Variants in TXNDC16 observed in about 807,000 individuals in gnomAD.
TXNDC16 encodes the protein thioredoxin domain-containing protein 16.
A neutral mutation model predicts 85.6 loss-of-function variants in TXNDC16; 74 were observed. That is an observed-to-expected ratio of 0.86 (90% CI 0.72 to 1.05). TXNDC16 has a LOEUF of 1.05. Among genes scored for constraint, TXNDC16 ranks in the 50% least tolerant of loss-of-function variants. The pLI is 0.00. For synonymous variants in TXNDC16, 335 were observed against 326.5 expected (o/e 1.03, Z -0.28); for missense variants, 959 against 947.0 (o/e 1.01, Z -0.17).
At chr14:52,508,755 T>C (rs558828551) in intron 9 of TXNDC16, among the ~76,000 whole-genome samples, 232 of 152,314 alleles carry the variant, frequency 1.5e-3, no homozygotes, top group African/African-American at 5.4e-3. Flanking sequence ...GATGAGTTCA[T>C]GTCCTTTGTA....
At chr14:52,493,772 T>G (rs953676155) in intron 9 of TXNDC16, among the ~76,000 whole-genome samples, 1 of 151,998 alleles carries the variant, frequency 6.6e-6, no homozygotes, top group Non-Finnish European at 1.5e-5. Context: ...CTAAACTTTC[T>G]AATAATTAAA....
chr14:52,444,920 C>T (rs911666183), intron 18 of TXNDC16, among the ~76,000 whole-genome samples: 2 of 152,028 alleles, frequency 1.3e-5, no homozygotes, highest in Non-Finnish European at 2.9e-5. Flanking sequence ...ACAGCTTAAA[C>T]AACCATCAAG....
chr14:52,473,353 T>A (rs1294377705), intron 14 of TXNDC16, among the ~76,000 whole-genome samples: 1 of 152,210 alleles, frequency 6.6e-6, no homozygotes, highest in Non-Finnish European at 1.5e-5. Flanking sequence ...TGCTTGTTTA[T>A]ACAAAGTGCC....
intron 16 of TXNDC16, chr14:52,462,708 A>C (rs2035680455): frequency 3.0e-6 from 1 of 329,642 alleles, no homozygotes. Flanking sequence ...CTGCACACCA[A>C]TAGGCATCCC....
chr14:52,509,987 T>TAA (rs35562977), intron 9 of TXNDC16, among the ~76,000 whole-genome samples: 25 of 106,916 alleles, frequency 2.3e-4, no homozygotes, highest in South Asian at 5.2e-4. Context: ...TCTCAAGAAA[T>TAA]AAAAAAAAAA....
intron 8 of TXNDC16, among the ~76,000 whole-genome samples, chr14:52,513,447 G>A (rs983102227): frequency 6.6e-6 from 1 of 152,062 alleles, no homozygotes. Context: ...CTCAGGTCCA[G>A]GGATGACTCA....
intron 16 of TXNDC16, among the ~76,000 whole-genome samples, chr14:52,469,673 G>A (rs1271119991): frequency 6.6e-6 from 1 of 152,008 alleles, no homozygotes; most frequent in Non-Finnish European, 1.5e-5. Context: ...AACCCAGGAG[G>A]CAGAGGTTGC....
At chr14:52,536,403 T>C (rs1167518834) in intron 6 of TXNDC16, among the ~76,000 whole-genome samples, 1 of 152,222 alleles carries the variant, frequency 6.6e-6, no homozygotes, top group Non-Finnish European at 1.5e-5. Flanking sequence ...CCCAGTCTAC[T>C]GTATTTTGTT....
chr14:52,503,826 A>G (rs1326874912), intron 9 of TXNDC16, among the ~76,000 whole-genome samples: 1 of 152,252 alleles, frequency 6.6e-6, no homozygotes, highest in East Asian at 1.9e-4. Context: ...AAAAACCTTG[A>G]AAAAAGATTA....
Position 52,488,371 on chromosome 14 carries a change from G to A in TXNDC16, c.1100C>T (p.Pro367Leu). The change falls in exon 12 of 21, where the codon CCA becomes CTA. Residue 367 changes from proline to leucine, a missense_variant. Pro to Leu is a moderately conservative substitution (Grantham distance 98). Coordinates refer to ENST00000281741, the MANE Select transcript of TXNDC16 (RefSeq NM_020784.3). ...GAATCATAACACATTACCTATATCTGGACCTTCCATGTCATTGTCTTCATC... is the reference window on the plus strand; with the variant it reads ...GAATCATAACACATTACCTATATCTAGACCTTCCATGTCATTGTCTTCATC... ...QEDEDNDMEG[P>L]DIDVQDDEVA... is the part of the protein sequence containing the mutation. The A allele has an allele frequency of 1.2e-6, 2 of 1,613,174 alleles. No individual in the cohort carries two copies. Among genetic ancestry groups the A allele is most frequent in the Non-Finnish European group, 1.7e-6 (2 of 1,179,550 alleles).
At position 52,506,702 on chromosome 14, in the gene TXNDC16, G is replaced by A. The variant is rs1439773441; in HGVS notation, c.756+4538C>T. ...CTCCCGAGTAGCTGGGACTACAGGCGCCCGCCACCGCGCCCGGCTAATTTT... is the reference window on the plus strand; with the variant it reads ...CTCCCGAGTAGCTGGGACTACAGGCACCCGCCACCGCGCCCGGCTAATTTT... On this transcript the variant is annotated intron_variant, in intron 9 of 20. Coordinates refer to ENST00000281741, the MANE Select transcript of TXNDC16 (RefSeq NM_020784.3). Among the ~76,000 whole-genome samples the A allele has an allele frequency of 1.3e-4, 18 of 143,088 alleles. 3 individuals carry two copies. The highest frequency in any genetic ancestry group is 9.2e-4 in the Admixed American group (13 of 14,102). 93.9% of individuals were successfully genotyped at this position (143,088 alleles called of 152,430 possible).
chr14:52,537,465 C>G, intron 5 of TXNDC16, 134 bp downstream of exon 5: 2 of 666,536 alleles, frequency 3.0e-6, no homozygotes, highest in Non-Finnish European at 5.2e-6. Context: ...AAATCTATTA[C>G]TTGGACTTTT....
chr14:52,548,914 C>G (rs913500529), intron 1 of TXNDC16, among the ~76,000 whole-genome samples: 1 of 152,146 alleles, frequency 6.6e-6, no homozygotes, highest in African/African-American at 2.4e-5. Context: ...TTATTTTAAA[C>G]TTCTAATGTT....
At chr14:52,444,352 T>G (rs548008832) in intron 18 of TXNDC16, among the ~76,000 whole-genome samples, 1 of 152,322 alleles carries the variant, frequency 6.6e-6, no homozygotes, top group African/African-American at 2.4e-5. Flanking sequence ...TCAATGCTTA[T>G]GTAGTTAATT....
intron 20 of TXNDC16, among the ~76,000 whole-genome samples, chr14:52,436,117 T>C (rs2035020796): frequency 1.3e-5 from 2 of 152,140 alleles, no homozygotes; most frequent in African/African-American, 2.4e-5. Flanking sequence ...CCAAACCATA[T>C]ACATGTATGC....
At chr14:52,460,286 A>G (rs1037120874) in intron 16 of TXNDC16, among the ~76,000 whole-genome samples, 6 of 152,198 alleles carry the variant, frequency 3.9e-5, no homozygotes, top group African/African-American at 1.4e-4. Context: ...AAACACAAAC[A>G]AATAGAAAAA....
At chr14:52,444,001 A>AG (rs1304773822) in intron 18 of TXNDC16, among the ~76,000 whole-genome samples, 2 of 152,202 alleles carry the variant, frequency 1.3e-5, no homozygotes, top group Non-Finnish European at 2.9e-5. Flanking sequence ...AGAAAAAAAA[A>AG]GAGTTGAAGA....
intron 12 of TXNDC16, among the ~76,000 whole-genome samples, chr14:52,483,323 T>G (rs1401921692): frequency 6.6e-6 from 1 of 152,194 alleles, no homozygotes; most frequent in Admixed American, 6.5e-5. Flanking sequence ...ATGGAACTTC[T>G]ATCTATGGAA....
rs200372521 is a variant in TXNDC16 at position 52,464,614 on chromosome 14, AT to A, written c.1618+5422del. The stretch of plus-strand genomic sequence containing the variant: ...ACTTACTTCCCAATTTTTCATAAAA[AT>A]TTTTTTTTTCATTAGAAGGTTATGC... On this transcript the variant is annotated intron_variant, in intron 16 of 20. Transcript: ENST00000281741. 1.6e-3 allele frequency among the ~76,000 whole-genome samples: 244 copies of A among 151,036 alleles called. 1 individual carries two copies. Among genetic ancestry groups the A allele is most frequent in the African/African-American group, 5.1e-3 (210 of 41,148 alleles).
Sources: allele counts gnomAD v4.1 joint callset (sites outside exome capture counted in the v4.1 genomes callset), GRCh38; gene constraint gnomAD v4.1.1; transcripts MANE v1.5; gene names NCBI Gene and HGNC (gene_info 2026-07-23, HGNC 2026-07-21).